Variants in VWC2L observed in about 807,000 individuals in gnomAD.
VWC2L encodes von Willebrand factor C domain containing 2 like, also known as von Willebrand factor C domain-containing protein 2-like.
In VWC2L, 10 loss-of-function variants were observed where a neutral mutation model predicts 21.6. The observed-to-expected ratio is 0.46, with a 90% confidence interval of 0.29 to 0.78. VWC2L has a LOEUF of 0.78. Ranked by LOEUF, VWC2L falls within the 30% of genes least tolerant of loss-of-function variation. The pLI, the probability that VWC2L is intolerant of heterozygous loss-of-function variation, is 0.10. For synonymous variants in VWC2L, 96 were observed against 94.3 expected, an observed-to-expected ratio of 1.02 and a Z score of -0.10; for missense variants, 209 against 277.1, an observed-to-expected ratio of 0.75 and a Z score of 1.74.
chr2:214,452,479 C>A (rs1053686566), intron 3 of VWC2L, among the ~76,000 whole-genome samples: 4 of 152,142 alleles, frequency 2.6e-5, no homozygotes, highest in Admixed American at 2.6e-4. Flanking sequence ...CATAGCTACA[C>A]CACAGTATAA....
intron 3 of VWC2L, chr2:214,510,134 C>A (rs982916840): frequency 6.6e-6 from 1 of 152,036 alleles, no homozygotes; most frequent in African/African-American, 2.4e-5. Flanking sequence ...GTTATTCTAT[C>A]CCTCTTTTTT....
chr2:214,552,368 T>C (rs540069096), intron 3 of VWC2L, among the ~76,000 whole-genome samples: 22 of 152,328 alleles, frequency 1.4e-4, no homozygotes, highest in African/African-American at 5.1e-4. Flanking sequence ...TTCCTGACTG[T>C]GTAATCAACA....
At chr2:214,544,769 T>C (rs1212509106) in intron 3 of VWC2L, among the ~76,000 whole-genome samples, 1 of 152,170 alleles carries the variant, frequency 6.6e-6, no homozygotes, top group Non-Finnish European at 1.5e-5. Context: ...TGGAGTGATC[T>C]CTTCTATTAT....
rs191018111 is a variant in VWC2L, at chr2:214,514,934, T to A, written c.521-60738T>A. Among the ~76,000 whole-genome samples, 38 of 152,340 alleles carry A rather than the reference T, an allele frequency of 2.5e-4. 2 individuals carry two copies. The highest frequency in any genetic ancestry group is 6.8e-3 in the Middle Eastern group (2 of 294). On this transcript the variant is annotated intron_variant, in intron 3 of 3. Transcript: ENST00000312504. ...CTTGCTGCCAGTGCAGTTACATACA[T>A]CATCTAGGGCTGCATTTAAAAGGAT...
At chr2:214,440,983 G>C (rs1443020979) in intron 3 of VWC2L, among the ~76,000 whole-genome samples, 1 of 152,072 alleles carries the variant, frequency 6.6e-6, no homozygotes, top group Non-Finnish European at 1.5e-5. Flanking sequence ...AATTTGAAAA[G>C]ACAGAACGCT....
chr2:214,438,677 A>G (rs944830635), intron 3 of VWC2L, among the ~76,000 whole-genome samples: 6 of 152,084 alleles, frequency 3.9e-5, no homozygotes, highest in African/African-American at 1.4e-4. Flanking sequence ...CATATGTTAA[A>G]TCAGCCACTA....
At chr2:214,435,569 A>G (rs1451273858) in intron 2 of VWC2L, among the ~76,000 whole-genome samples, 4 of 152,194 alleles carry the variant, frequency 2.6e-5, no homozygotes, top group African/African-American at 9.6e-5. Flanking sequence ...ATAAGAGCTG[A>G]CAAGGGTTTT....
chr2:214,550,462 A>T (rs970096449), intron 3 of VWC2L, among the ~76,000 whole-genome samples: 1 of 152,114 alleles, frequency 6.6e-6, no homozygotes, highest in Non-Finnish European at 1.5e-5. Flanking sequence ...AATATTTTTA[A>T]ATGTCTAAAA....
chr2:214,507,261 A>G (rs1040349798), intron 3 of VWC2L, among the ~76,000 whole-genome samples: 17 of 152,194 alleles, frequency 1.1e-4, no homozygotes, highest in Admixed American at 9.2e-4. Context: ...TTAAGAAGAC[A>G]AATGATATTA....
At chr2:214,441,854 T>C (rs1316552837) in intron 3 of VWC2L, among the ~76,000 whole-genome samples, 1 of 151,592 alleles carries the variant, frequency 6.6e-6, no homozygotes, top group Non-Finnish European at 1.5e-5. Context: ...TTTTATGTTA[T>C]ATAATTTAAA....
chr2:214,414,667 G>GA, intron 2 of VWC2L, 84 bp downstream of exon 2: 1 of 1,426,672 alleles, frequency 7.0e-7, no homozygotes, highest in Non-Finnish European at 9.4e-7. Flanking sequence ...GTCAGAGTTG[G>GA]AAAAATGTAC....
In VWC2L at chr2:214,567,595, CAG is replaced by C. The variant is rs10528003; in HGVS notation, c.521-8057_521-8056del. Among the ~76,000 whole-genome samples the C allele has an allele frequency of 2.4e-3, 325 of 135,320 alleles. 2 individuals carry two copies. The highest frequency in any genetic ancestry group is 5.0e-3 in the African/African-American group (161 of 32,110). 88.8% of individuals were successfully genotyped at this position (135,320 alleles called of 152,430 possible). A position where few individuals can be genotyped will look rare whatever the true frequency, so the allele number is the denominator to read the frequency against. On this transcript the variant is annotated intron_variant, in intron 3 of 3. Coordinates refer to ENST00000312504, the MANE Select transcript of VWC2L (RefSeq NM_001080500.4). ...ACACACACACACACACACACACACA[CAG>C]AGAGAGAGAGAGAGAGAGATAATTA... is the stretch of plus-strand genomic sequence containing the variant.
At chr2:214,496,759 T>C (rs1688819018) in intron 3 of VWC2L, among the ~76,000 whole-genome samples, 1 of 152,206 alleles carries the variant, frequency 6.6e-6, no homozygotes, top group Non-Finnish European at 1.5e-5. Flanking sequence ...ATCTTACCAA[T>C]GATTTATTCT....
At chr2:214,473,956 A>G (rs1453622362) in intron 3 of VWC2L, among the ~76,000 whole-genome samples, 2 of 152,152 alleles carry the variant, frequency 1.3e-5, no homozygotes, top group African/African-American at 4.8e-5. Flanking sequence ...AAGTGAGCTA[A>G]TTGATTACAA....
Position 214,507,974 on chromosome 2 carries a change from ATATT to A in VWC2L, c.521-67681_521-67678del, listed in dbSNP as rs890890075. Among the ~76,000 whole-genome samples the A allele has an allele frequency of 3.0e-4, 45 of 152,014 alleles. No individual in the cohort carries two copies. The Middle Eastern group carries it at 0.014, about 46-fold the overall frequency. ...AAGTTATCCTTTCTTTTGTGCACTT[ATATT>A]TATTTATTTATTTATTGAGACAGAG... On this transcript the variant is annotated intron_variant, in intron 3 of 3. Transcript: ENST00000312504.
intron 3 of VWC2L, among the ~76,000 whole-genome samples, chr2:214,462,190 T>C (rs1194415435): frequency 6.6e-6 from 1 of 152,168 alleles, no homozygotes; most frequent in Non-Finnish European, 1.5e-5. Context: ...ATGATCTTCC[T>C]TTCTTGAGCA....
At chr2:214,566,813 A>AT (rs1262013030) in intron 3 of VWC2L, among the ~76,000 whole-genome samples, 1 of 152,150 alleles carries the variant, frequency 6.6e-6, no homozygotes, top group East Asian at 1.9e-4. Flanking sequence ...TTTTAGAAAC[A>AT]TTTTTTCTAA....
intron 3 of VWC2L, among the ~76,000 whole-genome samples, chr2:214,514,829 C>G (rs963361321): frequency 1.3e-5 from 2 of 152,100 alleles, no homozygotes; most frequent in Admixed American, 1.3e-4. Context: ...TCGTTTATGA[C>G]CAGCATAAAA....
chr2:214,540,646 T>G (rs1053226435), intron 3 of VWC2L, among the ~76,000 whole-genome samples: 1 of 152,176 alleles, frequency 6.6e-6, no homozygotes, highest in Admixed American at 6.5e-5. Context: ...TTACTAAGAT[T>G]TACATGAGAA....
Sources: allele counts gnomAD v4.1 joint callset (sites outside exome capture counted in the v4.1 genomes callset), GRCh38; gene constraint gnomAD v4.1.1; transcripts MANE v1.5; gene names NCBI Gene and HGNC (gene_info 2026-07-23, HGNC 2026-07-21).